The following PLEC variants were observed in gnomAD, a reference collection of about 807,000 sequenced individuals.
PLEC encodes the protein plectin.
In PLEC, 216 loss-of-function variants were observed where a neutral mutation model predicts 392.8. The observed-to-expected ratio is 0.55, with a 90% CI of 0.49 to 0.62. The LOEUF is 0.62. Among genes scored for constraint, PLEC ranks in the 20% least tolerant of loss-of-function variants. PLEC has a pLI of 0.00. For missense variants in PLEC, 6,863 were observed against 6,563.4 expected, an observed-to-expected ratio of 1.05 and a Z score of -1.58; for synonymous variants, 3,621 against 2,980.6, an observed-to-expected ratio of 1.21 and a Z score of -7.00.
chr8:143,930,065 G>C lies in PLEC; in HGVS notation c.2613-3C>G, dbSNP rs541961187. 2 of 1,609,732 alleles carry C rather than the reference G, an allele frequency of 1.2e-6. No homozygotes were observed. The highest frequency in any genetic ancestry group is 8.5e-7 in the Non-Finnish European group (1 of 1,179,744). On this transcript the variant is annotated splice_polypyrimidine_tract_variant and splice_region_variant and intron_variant, in intron 21 of 31. Coordinates refer to ENST00000345136, the MANE Select transcript of PLEC (RefSeq NM_201384.3). ...GGGCCTGGTGCTGGGCCTCCAGCCT[G>C]GCAGGTCAGGGCTACAGTCAGCGTC...
upstream of PLEC, among the ~76,000 whole-genome samples, chr8:143,939,970 C>T (rs1259312597): frequency 1.3e-5 from 2 of 152,252 alleles, no homozygotes. Context: ...TTGGAGCTCC[C>T]TCCAGGCCTG....
chr8:143,925,895 A>G lies in PLEC; in HGVS notation c.4045-11T>C, dbSNP rs1554704521. ...CTGCTCAGCCAGCCTCTGTGGCCAC[A>G]GCAGAGAGAAGAAGAGAAGCAGAGA... is the stretch of plus-strand genomic sequence containing the variant. On this transcript the variant is annotated splice_polypyrimidine_tract_variant and intron_variant, in intron 30 of 31. Coordinates refer to ENST00000345136, the MANE Select transcript of PLEC (RefSeq NM_201384.3). The G allele has an allele frequency of 1.9e-6, 3 of 1,538,742 alleles. No homozygotes were observed. The highest frequency in any genetic ancestry group is 2.6e-6 in the Non-Finnish European group (3 of 1,148,208).
chr8:143,943,744 G>A (rs534768019), upstream of PLEC: 244 of 1,597,542 alleles, frequency 1.5e-4, 3 homozygotes, highest in South Asian at 9.5e-4. Flanking sequence ...CCTCTGCCCC[G>A]CCTCGAGTCC....
At position 143,924,862 on chromosome 8, in the gene PLEC, C is replaced by T. The variant is rs1824370327; in HGVS notation, c.5067G>A (p.Leu1689=). 3.8e-6 allele frequency: 6 copies of T among 1,587,952 alleles called. No homozygotes were observed. The highest frequency in any genetic ancestry group is 5.1e-6 in the Non-Finnish European group (6 of 1,174,712). Residue 1689 remains leucine (L), a synonymous_variant, in exon 31 of 32, where the codon CTG becomes CTA. Coordinates refer to ENST00000345136, the MANE Select transcript of PLEC (RefSeq NM_201384.3). The part of the protein sequence containing the change: ...AEEQAVRQRE[L]AEQELEKQRQ... ...GCTGCTTCTCCAGCTCTTGTTCAGC[C>T]AGCTCCCGCTGCCGGACGGCCTGCT...
In PLEC at chr8:143,937,251, A is replaced by C. The variant is rs376483549; in HGVS notation, c.265-9T>G. ...CTCCCCTTCTCCCGGGGCTGTGGGGAGGCACAGTCAGCACCCACAGTGCAG... is the reference window on the plus strand; with the variant it reads ...CTCCCCTTCTCCCGGGGCTGTGGGGCGGCACAGTCAGCACCCACAGTGCAG... On this transcript the variant is annotated splice_polypyrimidine_tract_variant and intron_variant, in intron 3 of 31. Coordinates refer to ENST00000345136, the MANE Select transcript of PLEC (RefSeq NM_201384.3). 1.0e-4 allele frequency: 160 copies of C among 1,607,580 alleles called. No individual in the cohort carries two copies. The highest frequency in any genetic ancestry group is 1.4e-4 in the Non-Finnish European group (159 of 1,175,568).
At chr8:143,970,668 C>A (rs782357652) in intron 1 of PLEC, among the ~76,000 whole-genome samples, 1 of 152,166 alleles carries the variant, frequency 6.6e-6, no homozygotes, top group African/African-American at 2.4e-5. Context: ...CTGGCAACAC[C>A]GCTCTCTTTT....
intron 1 of PLEC, among the ~76,000 whole-genome samples, chr8:143,947,462 T>C (rs1209965399): frequency 6.6e-6 from 1 of 152,112 alleles, no homozygotes; most frequent in Non-Finnish European, 1.5e-5. Flanking sequence ...CCATTTGCAA[T>C]GTAAATTAGG....
rs1207311483 is a variant in PLEC at position 143,973,005 on chromosome 8, T to C, written c.70+398A>G. ...GGAGAGGCGGCAACTATGTGACCCATTGCCAGGCGGCGGAGCTGCCCCTGT... is the reference window on the plus strand; with the variant it reads ...GGAGAGGCGGCAACTATGTGACCCACTGCCAGGCGGCGGAGCTGCCCCTGT... On this transcript the variant is annotated intron_variant, in intron 1 of 31. Coordinates refer to the PLEC transcript ENST00000356346. This position sits in a 1 kb window ranked among gnomAD's most constrained non-coding sequence, Gnocchi z 5.6. Among the ~76,000 whole-genome samples, 2 of 152,154 alleles carry C rather than the reference T, an allele frequency of 1.3e-5. No homozygotes were observed. The highest frequency in any genetic ancestry group is 6.5e-5 in the Admixed American group (1 of 15,286).
rs1554708777 is a variant in PLEC at position 143,927,859 on chromosome 8, G to A, written c.3394C>T (p.Leu1132=). 2 of 1,591,100 alleles carry A rather than the reference G, an allele frequency of 1.3e-6. No individual in the cohort carries two copies. The highest frequency in any genetic ancestry group is 4.6e-5 in the East Asian group (2 of 43,672). ...CCCAAGCCTCGAAACGATACCTTCAGAGAGGCCTTGGTGGCCTCGAGCTCC... is the reference window on the plus strand; with the variant it reads ...CCCAAGCCTCGAAACGATACCTTCAAAGAGGCCTTGGTGGCCTCGAGCTCC... ...LPELEATKAS[L]KKLRAQAEAQ... is the part of the protein sequence containing the mutation. The change falls in exon 26 of 32, where the codon CTG becomes TTG. Residue 1132 remains leucine (L), a synonymous_variant. Transcript: ENST00000345136.
chr8:143,929,865 G>A, intron 22 of PLEC, 36 bp from the exon 23 acceptor site: 1 of 1,600,524 alleles, frequency 6.2e-7, no homozygotes, highest in South Asian at 1.1e-5. Context: ...GCCGGGCGAG[G>A]CGGCCGTGCC....
In PLEC at chr8:143,922,893, G is replaced by C. The variant is rs2131287907; in HGVS notation, c.7036C>G (p.Leu2346Val). ...GCCATCTGCTCCTTGTCCTCCTGCA[G>C]CCGCCGCGCCTGCTCCTGCGCAAGC... The part of the protein sequence containing the change: ...KELAQEQARR[L>V]QEDKEQMAQQ... Residue 2346 changes from leucine (L) to valine (V), a missense_variant, in exon 31 of 32, where the codon CTG (leucine) becomes GTG (valine). Transcript: ENST00000345136. 1 of 1,584,666 alleles carries C rather than the reference G, an allele frequency of 6.3e-7. No individual in the cohort carries two copies. The highest frequency in any genetic ancestry group is 1.8e-5 in the Admixed American group (1 of 55,786).
chr8:143,952,379 A>G (rs960417718), upstream of PLEC, among the ~76,000 whole-genome samples: 10 of 152,136 alleles, frequency 6.6e-5, no homozygotes, highest in Non-Finnish European at 1.3e-4. Flanking sequence ...GGCCAGCCTC[A>G]GGAGGTGAGG....
chr8:143,927,104 G>C (rs1586961747), intron 28 of PLEC, 23 bp from the exon 29 acceptor site: 9 of 1,594,756 alleles, frequency 5.6e-6, no homozygotes, highest in Non-Finnish European at 7.7e-6. Flanking sequence ...ACTGCGGTCA[G>C]CCACCAGCTC....
At position 143,923,742 on chromosome 8, in the gene PLEC, G is replaced by A; in HGVS notation, c.6187C>T (p.Gln2063Ter). 1 of 1,548,638 alleles carries A rather than the reference G, an allele frequency of 6.5e-7. No homozygotes were observed. The highest frequency in any genetic ancestry group is 2.4e-5 in the East Asian group (1 of 41,510). The stretch of plus-strand genomic sequence containing the variant: ...TGCTGCAGCGTCTGCTGTAGCTCCT[G>A]CTCCTTCTGCTGCACCGCGAAGGCG... ...AHAFAVQQKE[Q>*]ELQQTLQQEQ... The change falls in exon 31 of 32, where the codon CAG becomes TAG. Residue 2063 changes from glutamine (Q) to a stop codon, truncating the protein, a stop_gained. Transcript: ENST00000345136. LOFTEE classifies it high-confidence loss of function.
chr8:143,916,513 G>C lies in PLEC; in HGVS notation c.13308C>G (p.Thr4436=). Residue 4436 remains threonine, a synonymous_variant, in exon 32 of 32, where the codon ACC becomes ACG. Coordinates refer to ENST00000345136, the MANE Select transcript of PLEC (RefSeq NM_201384.3). ...AGATCTTGAGCTTGGTCTTAGGGCA[G>C]GTGAGGTACTTGGAGTAGGCGCCCA... is the stretch of plus-strand genomic sequence containing the variant. ...RDVGAYSKYL[T]CPKTKLKISY... 4 of 1,611,840 alleles carry C rather than the reference G, an allele frequency of 2.5e-6. No individual in the cohort carries two copies. Among genetic ancestry groups the C allele is most frequent in the Non-Finnish European group, 3.4e-6 (4 of 1,179,480 alleles).
At chr8:143,974,510 C>T (rs1554745397), upstream of PLEC, among the ~76,000 whole-genome samples, 1 of 152,264 alleles carries the variant, frequency 6.6e-6, no homozygotes, top group Non-Finnish European at 1.5e-5. The surrounding 1 kb of genome is among the most constrained non-coding windows in gnomAD (Gnocchi z 5.9). Context: ...CTACCAGCCC[C>T]GCTTCCCGTC....
chr8:143,927,374 C>T (rs782564385), intron 27 of PLEC, 36 bp downstream of exon 27: 23 of 1,608,822 alleles, frequency 1.4e-5, no homozygotes, highest in East Asian at 6.7e-5. Flanking sequence ...CCGCAGGGCA[C>T]GCCCAGCCGC....
chr8:143,932,708 T>C lies in PLEC; in HGVS notation c.1742A>G (p.Gln581Arg). Residue 581 changes from glutamine to arginine, a missense_variant, in exon 15 of 32, where the codon CAG becomes CGG. Coordinates refer to ENST00000345136, the MANE Select transcript of PLEC (RefSeq NM_201384.3). The stretch of plus-strand genomic sequence containing the variant: ...GGCACCCCGGGTGGCGGGGGAGAGC[T>C]GGCCCTGCAACAGATGAGACGGTGA... ...KIERARSDEG[Q>R]LSPATRGAYR... 1 of 1,607,074 alleles carries C rather than the reference T, an allele frequency of 6.2e-7. No homozygotes were observed. Among genetic ancestry groups the C allele is most frequent in the Non-Finnish European group, 8.5e-7 (1 of 1,177,458 alleles).
Position 143,922,411 on chromosome 8 carries a change from G to A in PLEC, c.7426-16C>T, listed in dbSNP as rs897219611. 9.4e-6 allele frequency: 15 copies of A among 1,600,718 alleles called. No homozygotes were observed. Among genetic ancestry groups the A allele is most frequent in the Non-Finnish European group, 1.2e-5 (14 of 1,179,906 alleles). On this transcript the variant is annotated splice_polypyrimidine_tract_variant and intron_variant, in intron 31 of 31. Transcript: ENST00000345136. Reference sequence around the variant, plus strand: ...CCGTCTGCATCTGCAGAAGAAGAGGGTGTGATCAGGGACCGCCAGCCCAGG... The same window carrying A: ...CCGTCTGCATCTGCAGAAGAAGAGGATGTGATCAGGGACCGCCAGCCCAGG...
Sources: allele counts gnomAD v4.1 joint callset (sites outside exome capture counted in the v4.1 genomes callset), GRCh38; gene constraint gnomAD v4.1.1; non-coding constraint Gnocchi (gnomAD v3.1); transcripts MANE v1.5; gene names NCBI Gene and HGNC (gene_info 2026-07-23, HGNC 2026-07-21).